The following SSBP3 variants were observed in gnomAD, a reference collection of about 807,000 sequenced individuals.
SSBP3 encodes single stranded DNA binding protein 3.
A neutral mutation model predicts 69.6 loss-of-function variants in SSBP3; 5 were observed. The ratio of observed to expected loss-of-function variants is 0.07; its 90% CI spans 0.04 to 0.15. The LOEUF is 0.15. SSBP3 is among the 10% of genes least tolerant of loss of function. SSBP3 has a pLI of 1.00. For synonymous variants in SSBP3, 196 were observed against 193.4 expected (o/e 1.01, Z -0.11); for missense variants, 312 against 534.0 (o/e 0.58, Z 4.10).
At chr1:54,261,229 A>T (rs1645012700) in intron 5 of SSBP3, among the ~76,000 whole-genome samples, 1 of 152,384 alleles carries the variant, frequency 6.6e-6, no homozygotes, top group South Asian at 2.1e-4. Context: ...TGCAAGGAAC[A>T]TGACAGATGA....
rs556273787 is a variant in SSBP3, at chr1:54,302,351, ACT to A, written c.277-20826_277-20825del. The stretch of plus-strand genomic sequence containing the variant: ...TTTTTTTTTCCTGAGAAGGAGTTTT[ACT>A]CTGTCACCCAGGCTGGAATGCAGTG... On this transcript the variant is annotated intron_variant, in intron 4 of 17. Coordinates refer to ENST00000610401, the Ensembl canonical transcript of SSBP3. 3.5e-3 allele frequency among the ~76,000 whole-genome samples: 497 copies of A among 141,620 alleles called. 1 individual carries two copies. Among genetic ancestry groups the A allele is most frequent in the Non-Finnish European group, 5.3e-3 (351 of 65,942 alleles). The allele number at this position is 141,620 out of a possible 152,430, so 92.9% of individuals were successfully genotyped here. A position where few individuals can be genotyped will look rare whatever the true frequency, so the allele number is the denominator to read the frequency against.
chr1:54,336,663 T>C (rs1253051782), intron 4 of SSBP3, among the ~76,000 whole-genome samples: 1 of 152,248 alleles, frequency 6.6e-6, no homozygotes, highest in East Asian at 1.9e-4. Flanking sequence ...TTTTGTTTTG[T>C]CTGCTCAGCG....
chr1:54,249,907 C>A (rs879074440), intron 9 of SSBP3, among the ~76,000 whole-genome samples: 1 of 152,082 alleles, frequency 6.6e-6, no homozygotes, highest in African/African-American at 2.4e-5. Flanking sequence ...ATGGGCTGGG[C>A]GGTGGCATTC....
At chr1:54,243,253 G>T in exon 10 of SSBP3, 1 of 1,613,924 alleles carries the variant, frequency 6.2e-7, no homozygotes, top group Non-Finnish European at 8.5e-7. Context: ...CCCGGGCATG[G>T]CGGGGCCGAG....
intron 4 of SSBP3, among the ~76,000 whole-genome samples, chr1:54,365,358 G>A (rs1329933991): frequency 6.6e-6 from 1 of 152,170 alleles, no homozygotes; most frequent in Non-Finnish European, 1.5e-5. Flanking sequence ...GCGTGTGTGT[G>A]TGTGTGTTGG....
At chr1:54,381,596 C>T (rs1290623374) in intron 4 of SSBP3, among the ~76,000 whole-genome samples, 1 of 152,190 alleles carries the variant, frequency 6.6e-6, no homozygotes, top group Non-Finnish European at 1.5e-5. Flanking sequence ...ACTCTCACCC[C>T]CACCTCGGTG....
chr1:54,364,498 A>C (rs1164770577), intron 4 of SSBP3, among the ~76,000 whole-genome samples: 1 of 152,208 alleles, frequency 6.6e-6, no homozygotes, highest in Non-Finnish European at 1.5e-5. Context: ...CTGTTTAACA[A>C]AGAGGAAGGG....
intron 7 of SSBP3, chr1:54,255,472 G>A (rs1429078302): frequency 6.6e-6 from 1 of 152,140 alleles, no homozygotes; most frequent in Non-Finnish European, 1.5e-5. Flanking sequence ...AACACAGATG[G>A]GGGCAGGAAT....
intron 4 of SSBP3, among the ~76,000 whole-genome samples, chr1:54,397,990 C>T (rs1371138916): frequency 6.6e-6 from 1 of 152,180 alleles, no homozygotes; most frequent in African/African-American, 2.4e-5. Context: ...GGGGCACCAA[C>T]CAGCATACCC....
At chr1:54,399,879 T>C (rs552444528) in intron 4 of SSBP3, among the ~76,000 whole-genome samples, 1 of 152,308 alleles carries the variant, frequency 6.6e-6, no homozygotes, top group South Asian at 2.1e-4. Context: ...AACGCCTTCA[T>C]AATCCCCATT....
intron 5 of SSBP3, among the ~76,000 whole-genome samples, chr1:54,272,736 A>G (rs1206519484): frequency 1.3e-5 from 2 of 152,206 alleles, no homozygotes; most frequent in Non-Finnish European, 2.9e-5. Flanking sequence ...AGGCACAGGG[A>G]AAAATCACTC....
At position 54,385,281 on chromosome 1, in the gene SSBP3, C is replaced by T. The variant is rs1647994166; in HGVS notation, c.276+16580G>A. ...CTTGTGCTGGGGACATATAAACACTCCTAACCTAAAAGCATTTGGCTCCCT... is the reference window on the plus strand; with the variant it reads ...CTTGTGCTGGGGACATATAAACACTTCTAACCTAAAAGCATTTGGCTCCCT... On this transcript the variant is annotated intron_variant, in intron 4 of 17. Coordinates refer to ENST00000610401, the Ensembl canonical transcript of SSBP3. Among the ~76,000 whole-genome samples, 3 of 152,186 alleles carry T rather than the reference C, an allele frequency of 2.0e-5. No homozygotes were observed. The South Asian group carries it at 6.2e-4, about 32-fold the overall frequency.
At chr1:54,310,807 T>C (rs775941761) in intron 4 of SSBP3, among the ~76,000 whole-genome samples, 1 of 152,170 alleles carries the variant, frequency 6.6e-6, no homozygotes, top group Non-Finnish European at 1.5e-5. Context: ...ACAACTGAAA[T>C]ACCTATACCA....
intron 10 of SSBP3, 119 bp from the exon 11 acceptor site, chr1:54,242,331 C>G: frequency 8.1e-7 from 1 of 1,230,270 alleles, no homozygotes; most frequent in Non-Finnish European, 1.2e-6. Context: ...TCCTACAGCC[C>G]TGCGGTTTAG....
intron 4 of SSBP3, among the ~76,000 whole-genome samples, chr1:54,339,569 A>G (rs1451692772): frequency 6.4e-5 from 9 of 140,380 alleles, no homozygotes; most frequent in Non-Finnish European, 1.3e-4. Context: ...AGTAACCACT[A>G]AAAAAAAAAA....
chr1:54,291,298 G>C (rs1474886792), intron 4 of SSBP3, among the ~76,000 whole-genome samples: 1 of 152,186 alleles, frequency 6.6e-6, no homozygotes, highest in Non-Finnish European at 1.5e-5. Flanking sequence ...TGCTGTGACA[G>C]GACAAAATGT....
chr1:54,324,764 C>A (rs766446636), intron 4 of SSBP3, among the ~76,000 whole-genome samples: 30 of 152,176 alleles, frequency 2.0e-4, no homozygotes, highest in Middle Eastern at 3.2e-3. Context: ...TGCGTCAAGG[C>A]ATCCAGTGGC....
intron 4 of SSBP3, among the ~76,000 whole-genome samples, chr1:54,289,667 G>A (rs1047348341): frequency 6.6e-6 from 1 of 152,124 alleles, no homozygotes; most frequent in Non-Finnish European, 1.5e-5. Context: ...CTTAAAGGAC[G>A]GCAGGACTCG....
chr1:54,302,456 C>T (rs1189777235), intron 4 of SSBP3, among the ~76,000 whole-genome samples: 1 of 152,102 alleles, frequency 6.6e-6, no homozygotes, highest in Non-Finnish European at 1.5e-5. Context: ...GGATTACAGG[C>T]ATGCACCACC....
Sources: allele counts gnomAD v4.1 joint callset (sites outside exome capture counted in the v4.1 genomes callset), GRCh38; gene constraint gnomAD v4.1.1; transcripts MANE v1.5; gene names NCBI Gene and HGNC (gene_info 2026-07-23, HGNC 2026-07-21).